The following DDTL variants were observed in gnomAD, a reference collection of about 807,000 sequenced individuals.
DDTL encodes the protein D-dopachrome tautomerase like.
DDTL carries 1 observed loss-of-function variant against 1.1 expected under a neutral mutation model. The observed-to-expected ratio is 0.91, with a 90% CI of 0.32 to 4.31. DDTL has a LOEUF of 4.31. DDTL is among the 30% of genes most tolerant of loss of function. The pLI, the probability that DDTL is intolerant of heterozygous loss-of-function variation, is 0.17. For missense variants in DDTL, 54 were observed against 48.9 expected, an observed-to-expected ratio of 1.10 and a Z score of -0.31; for synonymous variants, 21 against 16.6, an observed-to-expected ratio of 1.26 and a Z score of -0.64.
chr22:23,969,777 C>T lies in DDTL; in HGVS notation c.285-1509C>T, dbSNP rs56712424. On this transcript the variant is annotated intron_variant, in intron 2 of 2. Coordinates refer to ENST00000215770, the MANE Select transcript of DDTL (RefSeq NM_001084393.2). ...GAGGCTGCAATAATCTGAGTTTCCA[C>T]CACTGCACTCACTCCATGCTGGCTG... 8,796 of 985,802 alleles carry T rather than the reference C, an allele frequency of 8.9e-3. 628 individuals carry two copies. In the African/African-American group the frequency reaches 0.14, roughly 16 times the overall value. The allele number at this position is 985,802 out of a possible 1,614,324, so 61.1% of individuals were successfully genotyped here.
At chr22:23,969,404 C>T (rs2033859109) in intron 2 of DDTL, 8 of 985,762 alleles carry the variant, frequency 8.1e-6, no homozygotes, top group Non-Finnish European at 9.6e-6. Flanking sequence ...GATTGCCCCT[C>T]AGCCCACAGA....
At position 23,971,658 on chromosome 22, in the gene DDTL, C is replaced by G; in HGVS notation, c.*252C>G. 1 of 1,591,342 alleles carries G rather than the reference C, an allele frequency of 6.3e-7. No homozygotes were observed. ...ACAGAGAAAAAGATATCATCAGCTC[C>G]TTGGCTAATACCACATCTTGCAAGA... is the stretch of plus-strand genomic sequence containing the variant. On this transcript the variant is annotated 3_prime_UTR_variant, in exon 3 of 3. Coordinates refer to ENST00000215770, the MANE Select transcript of DDTL (RefSeq NM_001084393.2).
chr22:23,972,068 AG>A lies in DDTL; in HGVS notation c.*663del. 9.3e-6 allele frequency: 6 copies of A among 645,112 alleles called. No individual in the cohort carries two copies. Among genetic ancestry groups the A allele is most frequent in the Non-Finnish European group, 1.2e-5 (6 of 519,020 alleles). The allele number at this position is 645,112 out of a possible 1,614,324, so 40.0% of individuals were successfully genotyped here. A position where few individuals can be genotyped will look rare whatever the true frequency, so the allele number is the denominator to read the frequency against. On this transcript the variant is annotated 3_prime_UTR_variant, in exon 3 of 3. Coordinates refer to ENST00000215770, the MANE Select transcript of DDTL (RefSeq NM_001084393.2). ...TGAACATGCCCCTCTCAGAGGTAAC[AG>A]CAAGTTTCCAGTGAGGAAAACCAGA...
chr22:23,970,678 A>G (rs1340416148), intron 2 of DDTL, among the ~76,000 whole-genome samples: 1 of 151,976 alleles, frequency 6.6e-6, no homozygotes, highest in Non-Finnish European at 1.5e-5. Context: ...AATGTGATGA[A>G]TCGTGACTAG....
intron 2 of DDTL, chr22:23,969,545 G>C (rs2033861716): frequency 2.0e-6 from 2 of 985,396 alleles, no homozygotes; most frequent in Non-Finnish European, 2.4e-6. Context: ...TGGGGGTTGG[G>C]GAATGCTCAT....
chr22:23,969,378 C>T (rs1437195629), intron 2 of DDTL: 2 of 984,536 alleles, frequency 2.0e-6, no homozygotes, highest in African/African-American at 1.8e-5. Context: ...AGGGAGTCTG[C>T]AATTAGGAGG....
At chr22:23,969,356 T>C (rs1476836806) in intron 2 of DDTL, 2 of 985,312 alleles carry the variant, frequency 2.0e-6, no homozygotes, top group Non-Finnish European at 2.4e-6. Flanking sequence ...GTGTCTGAGG[T>C]ACTGTGTCCT....
chr22:23,971,829 T>G lies in DDTL; in HGVS notation c.*423T>G. On this transcript the variant is annotated 3_prime_UTR_variant, in exon 3 of 3. Coordinates refer to ENST00000215770, the MANE Select transcript of DDTL (RefSeq NM_001084393.2). ...CTCAGGTGTGGGAGGTAGCCGCACA[T>G]CATGACCCAGCTAGGACAGACACAC... The G allele has an allele frequency of 1.7e-6, 1 of 588,142 alleles. No homozygotes were observed. 36.4% of individuals were successfully genotyped at this position (588,142 alleles called of 1,614,324 possible).
chr22:23,971,478 C>G lies in DDTL; in HGVS notation c.*72C>G. 6.2e-7 allele frequency: 1 copy of G among 1,607,738 alleles called. No homozygotes were observed. ...TAATCCAAAGCTGGTTATCTCCAGG[C>G]CCTCACTCTGCCAAGAGATCTCTCT... On this transcript the variant is annotated 3_prime_UTR_variant, in exon 3 of 3. Transcript: ENST00000215770.
At chr22:23,969,353 A>G (rs2033858336) in intron 2 of DDTL, 1 of 985,492 alleles carries the variant, frequency 1.0e-6, no homozygotes, top group Admixed American at 6.1e-5. Flanking sequence ...CAGGTGTCTG[A>G]GGTACTGTGT....
chr22:23,972,053 CCT>C lies in DDTL; in HGVS notation c.*651_*652del. 4.0e-6 allele frequency: 2 copies of C among 503,470 alleles called. No individual in the cohort carries two copies. Among genetic ancestry groups the C allele is most frequent in the Non-Finnish European group, 5.1e-6 (2 of 388,822 alleles). The allele number at this position is 503,470 out of a possible 1,614,324, so 31.2% of individuals were successfully genotyped here. On this transcript the variant is annotated 3_prime_UTR_variant, in exon 3 of 3. Transcript: ENST00000215770. The stretch of plus-strand genomic sequence containing the variant: ...TGTCTGGGCCATAAGTGAACATGCC[CCT>C]CTCAGAGGTAACAGCAAGTTTCCAG...
At chr22:23,970,738 G>A (rs1170199917) in intron 2 of DDTL, among the ~76,000 whole-genome samples, 1 of 152,168 alleles carries the variant, frequency 6.6e-6, no homozygotes, top group Non-Finnish European at 1.5e-5. Flanking sequence ...GTGTGTAAGT[G>A]TGCAGGTGGC....
rs974046372 is a variant in DDTL at position 23,972,122 on chromosome 22, G to A, written c.*716G>A. The A allele has an allele frequency of 8.8e-5, 85 of 969,956 alleles. No individual in the cohort carries two copies. In the Middle Eastern group the frequency reaches 1.6e-3, roughly 18 times the overall value. The allele number at this position is 969,956 out of a possible 1,614,324, so 60.1% of individuals were successfully genotyped here. Reference sequence around the variant, plus strand: ...TTGGGACAGCCTGGTTGGGGCGGGCGGGAGTATGAACAGCCTGTCTTCTCA... The same window carrying A: ...TTGGGACAGCCTGGTTGGGGCGGGCAGGAGTATGAACAGCCTGTCTTCTCA... On this transcript the variant is annotated 3_prime_UTR_variant, in exon 3 of 3. Transcript: ENST00000215770.
intron 2 of DDTL, chr22:23,969,904 T>C (rs2033867666): frequency 3.1e-6 from 3 of 979,320 alleles, no homozygotes; most frequent in Non-Finnish European, 3.6e-6. Context: ...CAGTGCTGTG[T>C]AGGTGGCAGT....
Position 23,971,286 on chromosome 22 carries a change from G to T in DDTL, c.285G>T (p.Arg95=), listed in dbSNP as rs746305075. 5.0e-6 allele frequency: 8 copies of T among 1,610,784 alleles called. No homozygotes were observed. The highest frequency in any genetic ancestry group is 2.7e-5 in the African/African-American group (2 of 74,708). Residue 95 remains arginine (R), a splice_region_variant and synonymous_variant, in exon 3 of 3, where the codon CGG becomes CGT. Transcript: ENST00000215770. The part of the protein sequence containing the change: ...LTKELALGQD[R]FPTVLSTSPA... ...AGCAGTCTAAATCATCCCCCTCCAGGTTCCCTACGGTCTTATCCACCAGCC... is the reference window on the plus strand; with the variant it reads ...AGCAGTCTAAATCATCCCCCTCCAGTTTCCCTACGGTCTTATCCACCAGCC...
chr22:23,971,687 CT>C lies in DDTL; in HGVS notation c.*282del, dbSNP rs2033907556. Reference sequence around the variant, plus strand: ...GCTAATACCACATCTTGCAAGACCCCTGCCAGGTACTCCCACTGTGGGTACT... The same window carrying C: ...GCTAATACCACATCTTGCAAGACCCCGCCAGGTACTCCCACTGTGGGTACT... On this transcript the variant is annotated 3_prime_UTR_variant, in exon 3 of 3. Transcript: ENST00000215770. 1 of 1,452,626 alleles carries C rather than the reference CT, an allele frequency of 6.9e-7. No homozygotes were observed. Among genetic ancestry groups the C allele is most frequent in the Non-Finnish European group, 9.5e-7 (1 of 1,050,822 alleles). 90.0% of individuals were successfully genotyped at this position (1,452,626 alleles called of 1,614,324 possible).
intron 2 of DDTL, among the ~76,000 whole-genome samples, chr22:23,970,732 G>C (rs562171153): frequency 3.9e-5 from 6 of 152,268 alleles, no homozygotes; most frequent in African/African-American, 1.4e-4. Context: ...CCATGAGTGT[G>C]TAAGTGTGCA....
Position 23,971,845 on chromosome 22 carries a change from A to T in DDTL, c.*439A>T. The T allele has an allele frequency of 1.8e-6, 1 of 571,004 alleles. No individual in the cohort carries two copies. The allele number at this position is 571,004 out of a possible 1,614,324, so 35.4% of individuals were successfully genotyped here. ...AGCCGCACATCATGACCCAGCTAGG[A>T]CAGACACACAATACAGTAGCCTCGG... On this transcript the variant is annotated 3_prime_UTR_variant, in exon 3 of 3. Coordinates refer to ENST00000215770, the MANE Select transcript of DDTL (RefSeq NM_001084393.2).
At chr22:23,970,671 G>A (rs2033885178) in intron 2 of DDTL, among the ~76,000 whole-genome samples, 1 of 152,128 alleles carries the variant, frequency 6.6e-6, no homozygotes. Context: ...GTGTGTGAAT[G>A]TGATGAATCG....
Sources: allele counts gnomAD v4.1 joint callset (sites outside exome capture counted in the v4.1 genomes callset), GRCh38; gene constraint gnomAD v4.1.1; transcripts MANE v1.5; gene names NCBI Gene and HGNC (gene_info 2026-07-23, HGNC 2026-07-21).